FRMD6: variants seen among roughly 807,000 people sequenced by gnomAD.
The protein encoded by FRMD6 is FERM domain-containing protein 6.
Under a neutral mutation model 73.2 loss-of-function variants are expected in FRMD6, and 37 were observed. The ratio of observed to expected loss-of-function variants is 0.51; its 90% CI spans 0.39 to 0.66. FRMD6 has a LOEUF of 0.66. Among genes scored for constraint, FRMD6 ranks in the 30% least tolerant of loss-of-function variants. The pLI is 0.00. For missense variants in FRMD6, 714 were observed against 780.5 expected, an observed-to-expected ratio of 0.91 and a Z score of 1.02; for synonymous variants, 273 against 282.2, an observed-to-expected ratio of 0.97 and a Z score of 0.33.
rs1897457732 is a variant in FRMD6, at chr14:51,720,125, G to T, written c.1095G>T (p.Arg365=). ...TCGACATGGACCAGCTGGAAAAACG[G>T]TCGCGGGCCAGCGGGAGCAGTGCGG... is the stretch of plus-strand genomic sequence containing the variant. ...LDLDMDQLEK[R]SRASGSSAGS... is the part of the protein sequence containing the mutation. The change falls in exon 11 of 14, where the codon CGG becomes CGT. Residue 365 remains arginine (R), a synonymous_variant. Transcript: ENST00000344768. The T allele has an allele frequency of 1.2e-6, 2 of 1,613,682 alleles. No individual in the cohort carries two copies. The highest frequency in any genetic ancestry group is 1.3e-5 in the African/African-American group (1 of 74,912).
chr14:51,532,148 C>T (rs1246365240), intron 1 of FRMD6, among the ~76,000 whole-genome samples: 2 of 152,012 alleles, frequency 1.3e-5, no homozygotes, highest in Non-Finnish European at 2.9e-5. Flanking sequence ...GTGGGCGGAT[C>T]ACGAGGTCAG....
rs1325637104 is a variant in FRMD6, at chr14:51,727,805, A to C, written c.1645A>C (p.Arg549=). 2.5e-6 allele frequency: 4 copies of C among 1,614,006 alleles called. No homozygotes were observed. Among genetic ancestry groups the C allele is most frequent in the Non-Finnish European group, 3.4e-6 (4 of 1,179,828 alleles). The stretch of plus-strand genomic sequence containing the variant: ...ACACAGCTTGAGCCTCGATGACATC[A>C]GACTTTACCAGAAAGACTTCCTGCG... ...DRHSLSLDDI[R]LYQKDFLRIA... Residue 549 remains arginine, a synonymous_variant, in exon 14 of 14, where the codon AGA becomes CGA. Transcript: ENST00000344768.
chr14:51,716,257 C>A (rs1897237666), intron 10 of FRMD6, among the ~76,000 whole-genome samples: 1 of 151,940 alleles, frequency 6.6e-6, no homozygotes, highest in Admixed American at 6.6e-5. Flanking sequence ...CACACCCCAA[C>A]CCTAATCCTC....
At chr14:51,435,074 C>T in the FRMD6 span, among the ~76,000 whole-genome samples, 1,209 of 152,206 alleles carry the variant, frequency 7.9e-3, 34 homozygotes, top group East Asian at 0.057. Flanking sequence ...AATCCTGGAT[C>T]GTACCAGTAA....
chr14:51,447,513 A>G, the FRMD6 span, among the ~76,000 whole-genome samples: 1 of 152,162 alleles, frequency 6.6e-6, no homozygotes, highest in African/African-American at 2.4e-5. Context: ...GTGGACCTCT[A>G]GGCCTTTGCT....
the FRMD6 span, among the ~76,000 whole-genome samples, chr14:51,473,987 A>G: frequency 6.6e-6 from 1 of 152,154 alleles, no homozygotes; most frequent in African/African-American, 2.4e-5. Context: ...GTATCACATT[A>G]TCTCATTTAT....
the FRMD6 span, among the ~76,000 whole-genome samples, chr14:51,470,277 G>A: frequency 2.0e-5 from 3 of 152,036 alleles, no homozygotes; most frequent in Admixed American, 2.0e-4. Context: ...CCAGCACTTC[G>A]GGAGGCCAAG....
At chr14:51,431,973 T>C in the FRMD6 span, among the ~76,000 whole-genome samples, 1 of 152,214 alleles carries the variant, frequency 6.6e-6, no homozygotes. Context: ...ACTGCATTAC[T>C]TCCCTTCCAG....
chr14:51,628,490 ACTTT>A (rs1299127880), intron 2 of FRMD6, among the ~76,000 whole-genome samples: 1 of 152,022 alleles, frequency 6.6e-6, no homozygotes, highest in Non-Finnish European at 1.5e-5. Context: ...CCATTAATGT[ACTTT>A]CTGTCTCTAT....
the FRMD6 span, among the ~76,000 whole-genome samples, chr14:51,441,649 CAG>C: frequency 6.6e-6 from 1 of 152,174 alleles, no homozygotes; most frequent in African/African-American, 2.4e-5. Context: ...GACAGATGGA[CAG>C]AGAGAATGCA....
At chr14:51,547,016 A>G (rs898349033) in intron 1 of FRMD6, among the ~76,000 whole-genome samples, 5 of 152,174 alleles carry the variant, frequency 3.3e-5, no homozygotes, top group Admixed American at 6.5e-5. Context: ...ACCAAGAATT[A>G]GAGCCCCATG....
chr14:51,546,608 C>A (rs1886488047), intron 1 of FRMD6: 2 of 135,576 alleles, frequency 1.5e-5, no homozygotes, highest in Admixed American at 1.5e-4. Context: ...AAAAAAAAAC[C>A]TGTGGTGTTA....
intron 1 of FRMD6, among the ~76,000 whole-genome samples, chr14:51,523,808 G>A (rs184310925): frequency 1.1e-4 from 17 of 152,272 alleles, no homozygotes; most frequent in African/African-American, 4.1e-4. Flanking sequence ...AAATTTCAAA[G>A]CAGATTTATT....
intron 2 of FRMD6, among the ~76,000 whole-genome samples, chr14:51,644,391 A>ACTCTCT (rs1259140311): frequency 4.1e-5 from 5 of 120,776 alleles, no homozygotes; most frequent in African/African-American, 1.5e-4. Flanking sequence ...ACACACACTC[A>ACTCTCT]CTCACTCTCT....
chr14:51,705,248 C>T (rs1896556372), intron 6 of FRMD6, among the ~76,000 whole-genome samples: 1 of 152,010 alleles, frequency 6.6e-6, no homozygotes, highest in Non-Finnish European at 1.5e-5. Flanking sequence ...GTATTTTCTC[C>T]CTTTGAAGGC....
intron 2 of FRMD6, among the ~76,000 whole-genome samples, chr14:51,614,507 A>G (rs904533029): frequency 1.1e-4 from 16 of 152,200 alleles, no homozygotes; most frequent in Non-Finnish European, 2.2e-4. Context: ...GTTATATGCA[A>G]TATTTTCTGG....
At position 51,728,095 on chromosome 14, in the gene FRMD6, C is replaced by A. The variant is rs1490310266; in HGVS notation, c.*66C>A. ...CTAGAGGATGCGAAAGTCATAAGTT[C>A]TTTACATATTACTTGTGCCATATCT... On this transcript the variant is annotated 3_prime_UTR_variant, in exon 14 of 14. Coordinates refer to ENST00000344768, the MANE Select transcript of FRMD6 (RefSeq NM_001267046.2). 2.1e-6 allele frequency: 3 copies of A among 1,418,926 alleles called. No individual in the cohort carries two copies. Among genetic ancestry groups the A allele is most frequent in the Non-Finnish European group, 2.9e-6 (3 of 1,037,576 alleles). 87.9% of individuals were successfully genotyped at this position (1,418,926 alleles called of 1,614,324 possible).
chr14:51,433,280 A>T, the FRMD6 span, among the ~76,000 whole-genome samples: 1,401 of 152,310 alleles, frequency 9.2e-3, 22 homozygotes, highest in African/African-American at 0.032. Context: ...AAAATATTGG[A>T]ATCAGTCTAA....
At chr14:51,626,847 G>A (rs560146266) in intron 2 of FRMD6, among the ~76,000 whole-genome samples, 4 of 152,266 alleles carry the variant, frequency 2.6e-5, no homozygotes, top group African/African-American at 4.8e-5. Context: ...TAAATAAGGT[G>A]TCTGGAACAT....
Sources: gnomAD v4.1 joint callset for allele counts (sites outside exome capture counted in the v4.1 genomes callset) on GRCh38, gnomAD v4.1.1 for gene constraint, MANE v1.5 for transcripts, NCBI Gene and HGNC (gene_info 2026-07-23, HGNC 2026-07-21) for gene names.